SEMA5B: variants seen among roughly 807,000 people sequenced by gnomAD.
SEMA5B encodes semaphorin-5B.
SEMA5B carries 66 observed loss-of-function variants against 135.0 expected under a neutral mutation model. The ratio of observed to expected loss-of-function variants is 0.49; its 90% confidence interval spans 0.40 to 0.60. SEMA5B has a LOEUF of 0.60. SEMA5B is among the 20% of genes least tolerant of loss of function. The pLI, the probability that SEMA5B is intolerant of heterozygous loss-of-function variation, is 0.00. For missense variants in SEMA5B, 1,501 were observed against 1,566.3 expected (o/e 0.96, Z 0.70); for synonymous variants, 690 against 639.5 (o/e 1.08, Z -1.19).
intron 1 of SEMA5B, among the ~76,000 whole-genome samples, chr3:123,013,971 T>C (rs1234386866): frequency 6.6e-6 from 1 of 152,186 alleles, no homozygotes; most frequent in African/African-American, 2.4e-5. Context: ...TGAGAGGAGC[T>C]TTGGGCACAG....
In SEMA5B at chr3:122,927,962, C is replaced by T; in HGVS notation, c.678G>A (p.Val226=). The part of the protein sequence containing the change: ...LSRTIEKING[V]ARCPYDPRHN... Reference sequence around the variant, plus strand: ...GGCGTGGGTCATAGGGGCAGCGGGCCACACCATTGATCTTCTCAATAGTCC... The same window carrying T: ...GGCGTGGGTCATAGGGGCAGCGGGCTACACCATTGATCTTCTCAATAGTCC... Residue 226 remains valine, a synonymous_variant, in exon 8 of 23, where the codon GTG becomes GTA. Transcript: ENST00000357599. 6.4e-7 allele frequency: 1 copy of T among 1,554,090 alleles called. No individual in the cohort carries two copies. The highest frequency in any genetic ancestry group is 1.9e-5 in the Admixed American group (1 of 52,982).
At chr3:122,979,475 CT>C (rs1408796309) in intron 1 of SEMA5B, among the ~76,000 whole-genome samples, 1 of 152,214 alleles carries the variant, frequency 6.6e-6, no homozygotes. Context: ...GTAAATAGCA[CT>C]TACTTTCATT....
intron 5 of SEMA5B, among the ~76,000 whole-genome samples, chr3:122,933,334 T>A (rs1050418817): frequency 6.6e-6 from 1 of 152,208 alleles, no homozygotes; most frequent in Non-Finnish European, 1.5e-5. Flanking sequence ...TGATTGGTAG[T>A]TTTGATACCA....
intron 1 of SEMA5B, among the ~76,000 whole-genome samples, chr3:122,979,330 C>G (rs1401796162): frequency 6.6e-6 from 1 of 152,180 alleles, no homozygotes; most frequent in Non-Finnish European, 1.5e-5. Context: ...TGGTTTTCTG[C>G]CTGATGTGGA....
intron 5 of SEMA5B, among the ~76,000 whole-genome samples, chr3:122,937,598 G>C (rs527672765): frequency 6.6e-6 from 1 of 152,274 alleles, no homozygotes; most frequent in East Asian, 1.9e-4. Context: ...TGCTTTGGGG[G>C]CTTGTCTGTA....
upstream of SEMA5B, chr3:123,027,906 G>C (rs944251747): frequency 2.6e-5 from 4 of 152,078 alleles, no homozygotes; most frequent in African/African-American, 9.7e-5. Flanking sequence ...CGCCAGCCTC[G>C]AGGCGCGCGG....
intron 1 of SEMA5B, among the ~76,000 whole-genome samples, chr3:123,009,055 G>A (rs1051692618): frequency 3.3e-5 from 5 of 152,228 alleles, no homozygotes; most frequent in African/African-American, 9.6e-5. Context: ...AGTTTTCAAC[G>A]AGGCTGCATA....
At chr3:122,956,564 C>G (rs58537451) in intron 2 of SEMA5B, among the ~76,000 whole-genome samples, 37,205 of 152,000 alleles carry the variant, frequency 0.24, 4,711 homozygotes, top group South Asian at 0.38. Context: ...TGCTCAGGGG[C>G]GAAGGATGAC....
Position 122,961,128 on chromosome 3 carries a change from G to A in SEMA5B, c.124+12C>T. The A allele has an allele frequency of 6.2e-7, 1 of 1,602,524 alleles. No homozygotes were observed. The highest frequency in any genetic ancestry group is 1.1e-5 in the South Asian group (1 of 89,520). On this transcript the variant is annotated intron_variant, in intron 2 of 22. Transcript: ENST00000357599. ...CTGCTGCAGCCCCCCACACTCCCCT[G>A]GGCACACTTACCCCTGACCAGTGAG...
At position 122,912,234 on chromosome 3, in the gene SEMA5B, C is replaced by G; in HGVS notation, c.2834G>C (p.Gly945Ala). The G allele has an allele frequency of 6.2e-7, 1 of 1,612,008 alleles. No individual in the cohort carries two copies. Residue 945 changes from glycine (G) to alanine (A), a missense_variant, in exon 19 of 23, where the codon GGT becomes GCT. Gly to Ala is a moderately conservative substitution (Grantham distance 60). This residue lies in a region of SEMA5B where 927 missense variants were observed against 881.6 expected (regional missense o/e 1.05). Transcript: ENST00000357599. ...GTGCAGCCCGAGACAGATGTCCTCA[C>G]CTGGGGAGGGTGCGGGGCTGGTGCA... is the stretch of plus-strand genomic sequence containing the variant. ...RSCTSPAPSP[G>A]EDICLGLHTE...
At chr3:122,911,395 C>T (rs771987629) in intron 21 of SEMA5B, 96 bp downstream of exon 21, 3 of 1,558,240 alleles carry the variant, frequency 1.9e-6, no homozygotes, top group East Asian at 2.3e-5. Flanking sequence ...CAAAGCTTGG[C>T]TGTCTGGAGC....
chr3:122,977,919 T>C (rs1941385286), intron 1 of SEMA5B, among the ~76,000 whole-genome samples: 1 of 152,198 alleles, frequency 6.6e-6, no homozygotes, highest in Non-Finnish European at 1.5e-5. Context: ...TGTCACTCAA[T>C]AAATATTTGC....
At chr3:122,995,849 C>T (rs548766978) in intron 1 of SEMA5B, among the ~76,000 whole-genome samples, 1 of 152,342 alleles carries the variant, frequency 6.6e-6, no homozygotes, top group South Asian at 2.1e-4. Flanking sequence ...CCATTCTCAC[C>T]ACTCTGAGCC....
At chr3:122,979,535 G>A (rs1230906234) in intron 1 of SEMA5B, among the ~76,000 whole-genome samples, 1 of 151,884 alleles carries the variant, frequency 6.6e-6, no homozygotes, top group Non-Finnish European at 1.5e-5. Context: ...CTTCTCTCTT[G>A]TTGTGATTTC....
chr3:122,989,898 A>G (rs2107713395), intron 1 of SEMA5B, among the ~76,000 whole-genome samples: 1 of 152,278 alleles, frequency 6.6e-6, no homozygotes, highest in African/African-American at 2.4e-5. Flanking sequence ...TTAGGCAGAG[A>G]CCATGAAGAC....
intron 1 of SEMA5B, among the ~76,000 whole-genome samples, chr3:122,993,794 C>T (rs1941949160): frequency 6.6e-6 from 1 of 151,926 alleles, no homozygotes; most frequent in Non-Finnish European, 1.5e-5. Context: ...TCCTGCCTCC[C>T]CCACAGCTGC....
chr3:122,998,874 C>T (rs1336641358), intron 1 of SEMA5B, among the ~76,000 whole-genome samples: 2 of 152,242 alleles, frequency 1.3e-5, no homozygotes, highest in African/African-American at 4.8e-5. Context: ...TAATTAGCCA[C>T]TCTAAAGCTG....
chr3:122,996,129 T>C (rs376429822), intron 1 of SEMA5B, among the ~76,000 whole-genome samples: 4 of 152,208 alleles, frequency 2.6e-5, no homozygotes, highest in African/African-American at 9.6e-5. Context: ...GGGCGCCAGC[T>C]GGAGGGCGAA....
At chr3:123,018,725 T>C (rs1403293910) in intron 1 of SEMA5B, among the ~76,000 whole-genome samples, 3 of 152,166 alleles carry the variant, frequency 2.0e-5, no homozygotes, top group Non-Finnish European at 4.4e-5. Flanking sequence ...ATTCTCCACT[T>C]TAAACAGTAT....
Sources: allele counts gnomAD v4.1 joint callset (sites outside exome capture counted in the v4.1 genomes callset), GRCh38; gene constraint gnomAD v4.1.1; regional missense constraint gnomAD v4.1.1; transcripts MANE v1.5; gene names NCBI Gene and HGNC (gene_info 2026-07-23, HGNC 2026-07-21).